UBL3: variants seen among roughly 807,000 people sequenced by gnomAD.
The protein encoded by UBL3 is ubiquitin-like protein 3.
In UBL3, 6 loss-of-function variants were observed where a neutral mutation model predicts 18.4. That is an observed-to-expected ratio of 0.33 (90% confidence interval 0.18 to 0.64). UBL3 has a LOEUF of 0.64. UBL3 is among the 30% of genes least tolerant of loss of function. The pLI, the probability that UBL3 is intolerant of heterozygous loss-of-function variation, is 0.76. For synonymous variants in UBL3, 49 were observed against 46.6 expected (o/e 1.05, Z -0.21); for missense variants, 109 against 142.9 (o/e 0.76, Z 1.21).
At position 29,827,526 on chromosome 13, in the gene UBL3, T is replaced by C. The variant is rs182722951; in HGVS notation, c.27+21986A>G. 4.6e-5 allele frequency among the ~76,000 whole-genome samples: 7 copies of C among 152,346 alleles called. No individual in the cohort carries two copies. In the East Asian group the frequency reaches 1.3e-3, roughly 29 times the overall value. On this transcript the variant is annotated intron_variant, in intron 1 of 4. Coordinates refer to ENST00000380680, the MANE Select transcript of UBL3 (RefSeq NM_007106.4). ...CCCCTGCATTTTTTTGTTTTCTATTTGCTTGGCAGATCTTCCTCCATCCCT... is the reference window on the plus strand; with the variant it reads ...CCCCTGCATTTTTTTGTTTTCTATTCGCTTGGCAGATCTTCCTCCATCCCT...
At chr13:29,772,034 A>G in intron 3 of UBL3, 78 bp downstream of exon 3, 3 of 1,270,110 alleles carry the variant, frequency 2.4e-6, no homozygotes, top group East Asian at 2.4e-5. Flanking sequence ...AGCAAATTCA[A>G]AGACATTAAC....
chr13:29,806,954 T>C (rs1877913996), intron 1 of UBL3, among the ~76,000 whole-genome samples: 1 of 152,316 alleles, frequency 6.6e-6, no homozygotes, highest in South Asian at 2.1e-4. Context: ...AACTAATATT[T>C]AATATATACC....
At chr13:29,841,833 A>C (rs1052903460) in intron 1 of UBL3, among the ~76,000 whole-genome samples, 13 of 152,210 alleles carry the variant, frequency 8.5e-5, no homozygotes, top group African/African-American at 3.1e-4. Context: ...GAGAAAGTAA[A>C]AATGAGCTCG....
intron 1 of UBL3, among the ~76,000 whole-genome samples, chr13:29,824,536 G>A (rs554022784): frequency 1.2e-4 from 18 of 152,216 alleles, no homozygotes; most frequent in African/African-American, 3.9e-4. Context: ...CATATCCTTC[G>A]CCCACTTGTT....
intron 2 of UBL3, among the ~76,000 whole-genome samples, chr13:29,774,160 A>G (rs1876919922): frequency 6.6e-6 from 1 of 152,142 alleles, no homozygotes; most frequent in South Asian, 2.1e-4. Context: ...CCACTGATAC[A>G]ATCAATATTC....
At chr13:29,831,980 G>A (rs1021031311) in intron 1 of UBL3, among the ~76,000 whole-genome samples, 14 of 152,220 alleles carry the variant, frequency 9.2e-5, no homozygotes, top group African/African-American at 3.4e-4. Context: ...CACTAGCCAT[G>A]AAGAAAGTGC....
chr13:29,819,100 T>C (rs1393295707), intron 1 of UBL3, among the ~76,000 whole-genome samples: 1 of 152,206 alleles, frequency 6.6e-6, no homozygotes, highest in African/African-American at 2.4e-5. Flanking sequence ...AACATTACTG[T>C]CTATGAGGTG....
chr13:29,813,476 A>G (rs1878168139), intron 1 of UBL3, among the ~76,000 whole-genome samples: 1 of 152,108 alleles, frequency 6.6e-6, no homozygotes, highest in Non-Finnish European at 1.5e-5. Context: ...GAAAAGTTGT[A>G]AAGTTGGCTT....
At chr13:29,847,368 C>A (rs1278766385) in intron 1 of UBL3, among the ~76,000 whole-genome samples, 2 of 152,208 alleles carry the variant, frequency 1.3e-5, no homozygotes, top group Non-Finnish European at 2.9e-5. Flanking sequence ...CCTTGCATAT[C>A]ACCTTTAATC....
intron 1 of UBL3, among the ~76,000 whole-genome samples, chr13:29,835,117 T>A (rs867105200): frequency 0.012 from 281 of 22,684 alleles, 4 homozygotes; most frequent in Middle Eastern, 0.065. Flanking sequence ...AATATATATA[T>A]ATATATAAAT....
chr13:29,803,498 T>A (rs559823693), intron 1 of UBL3, among the ~76,000 whole-genome samples: 28 of 151,756 alleles, frequency 1.8e-4, no homozygotes, highest in African/African-American at 6.8e-4. Context: ...GCAGGCCGGA[T>A]AAAGAAGCAA....
At position 29,767,322 on chromosome 13, in the gene UBL3, G is replaced by T. The variant is rs753341241; in HGVS notation, c.302-15C>A. 5.6e-6 allele frequency: 9 copies of T among 1,612,814 alleles called. No homozygotes were observed. The highest frequency in any genetic ancestry group is 7.6e-6 in the Non-Finnish European group (9 of 1,179,264). ...ATTCCTCTGACCTAGGGAAAACGAA[G>T]AAGAGCCTCGTTTATAAAAATTCTA... On this transcript the variant is annotated splice_polypyrimidine_tract_variant and intron_variant, in intron 4 of 4. Transcript: ENST00000380680.
chr13:29,783,728 C>T (rs529293089), intron 1 of UBL3, among the ~76,000 whole-genome samples: 1 of 152,152 alleles, frequency 6.6e-6, no homozygotes, highest in South Asian at 2.1e-4. Context: ...GGCCTTTTTA[C>T]TTCTTTGAAG....
At chr13:29,813,524 A>G (rs543992593) in intron 1 of UBL3, among the ~76,000 whole-genome samples, 1 of 152,260 alleles carries the variant, frequency 6.6e-6, no homozygotes, top group African/African-American at 2.4e-5. Flanking sequence ...TCAACCAACC[A>G]CAGATTGAAA....
intron 1 of UBL3, among the ~76,000 whole-genome samples, chr13:29,824,156 T>A (rs1459300351): frequency 6.6e-6 from 1 of 152,212 alleles, no homozygotes; most frequent in Admixed American, 6.5e-5. Flanking sequence ...TGAATAGTGC[T>A]GCAATGAACA....
chr13:29,816,164 GAAAAGC>G, intron 1 of UBL3, among the ~76,000 whole-genome samples: 1 of 151,892 alleles, frequency 6.6e-6, no homozygotes, highest in Non-Finnish European at 1.5e-5. Flanking sequence ...TATTTTAACT[GAAAAGC>G]AAAAAGCACT....
intron 1 of UBL3, among the ~76,000 whole-genome samples, chr13:29,820,169 C>CTTTTTTT (rs36050662): frequency 9.5e-6 from 1 of 104,966 alleles, no homozygotes; most frequent in Non-Finnish European, 1.8e-5. Flanking sequence ...CTCAGAGTTC[C>CTTTTTTT]TTTTTTTTTT....
chr13:29,777,079 G>T, intron 2 of UBL3, 76 bp downstream of exon 2: 1 of 1,158,168 alleles, frequency 8.6e-7, no homozygotes, highest in Non-Finnish European at 1.2e-6. Context: ...TTATATAACA[G>T]TTTCAAAATG....
intron 1 of UBL3, among the ~76,000 whole-genome samples, chr13:29,807,718 T>C (rs1055880647): frequency 2.6e-4 from 39 of 152,070 alleles, no homozygotes; most frequent in African/African-American, 8.2e-4. Context: ...TCAGCTATGA[T>C]TGCTGTTCTG....
Sources: allele counts gnomAD v4.1 joint callset (sites outside exome capture counted in the v4.1 genomes callset), GRCh38; gene constraint gnomAD v4.1.1; transcripts MANE v1.5; gene names NCBI Gene and HGNC (gene_info 2026-07-23, HGNC 2026-07-21).